Variants in PLCH1 observed in about 807,000 individuals in gnomAD.
PLCH1 encodes phospholipase C eta 1, also known as 1-phosphatidylinositol 4,5-bisphosphate phosphodiesterase eta-1.
A neutral mutation model predicts 126.7 loss-of-function variants in PLCH1; 60 were observed. The ratio of observed to expected loss-of-function variants is 0.47; its 90% CI spans 0.38 to 0.59. The LOEUF (loss-of-function observed/expected upper bound fraction) is 0.59. Ranked by LOEUF, PLCH1 falls within the 20% of genes least tolerant of loss-of-function variation. The pLI is 0.00. For missense variants in PLCH1, 1,723 were observed against 2,040.0 expected (o/e 0.84, Z 2.99); for synonymous variants, 719 against 734.9 (o/e 0.98, Z 0.35).
At chr3:155,719,888 C>T (rs766520887) in intron 1 of PLCH1, among the ~76,000 whole-genome samples, 57 of 152,074 alleles carry the variant, frequency 3.7e-4, no homozygotes, top group Admixed American at 7.9e-4. Context: ...TTCCGCCTCT[C>T]GAGCTCAAGC....
At chr3:155,618,405 A>G (rs912340792) in intron 2 of PLCH1, among the ~76,000 whole-genome samples, 3 of 152,108 alleles carry the variant, frequency 2.0e-5, no homozygotes, top group Non-Finnish European at 4.4e-5. Context: ...CGATACAGGC[A>G]AGAAGAAAAT....
intron 11 of PLCH1, among the ~76,000 whole-genome samples, chr3:155,516,520 G>A (rs1319356881): frequency 6.6e-6 from 1 of 152,164 alleles, no homozygotes; most frequent in Non-Finnish European, 1.5e-5. Flanking sequence ...GGAGAGCGGA[G>A]GGACTTGAAA....
intron 21 of PLCH1, among the ~76,000 whole-genome samples, chr3:155,466,674 C>T (rs1221041781): frequency 6.6e-6 from 1 of 152,180 alleles, no homozygotes; most frequent in Non-Finnish European, 1.5e-5. Flanking sequence ...CCTGTAGAAA[C>T]AGAGATATGT....
Position 155,566,219 on chromosome 3 carries a change from GTATATATACACA to G in PLCH1, c.866-1113_866-1102del, listed in dbSNP as rs1259554613. Among the ~76,000 whole-genome samples the G allele has an allele frequency of 2.4e-4, 13 of 54,898 alleles. 1 individual carries two copies. The highest frequency in any genetic ancestry group is 3.8e-4 in the Admixed American group (2 of 5,230). 36.0% of individuals were successfully genotyped at this position (54,898 alleles called of 152,430 possible). On this transcript the variant is annotated intron_variant, in intron 7 of 22. Coordinates refer to ENST00000460012, the MANE Select transcript of PLCH1 (RefSeq NM_014996.4). ...CACATACATATATACACATATATAC[GTATATATACACA>G]TATATATACATATATATACGTATAT...
chr3:155,654,100 G>C (rs1232415630), intron 2 of PLCH1, among the ~76,000 whole-genome samples: 1 of 150,488 alleles, frequency 6.6e-6, no homozygotes, highest in African/African-American at 2.5e-5. Context: ...TCATTTCTCA[G>C]TGCTCATTTT....
intron 6 of PLCH1, among the ~76,000 whole-genome samples, chr3:155,571,674 C>T (rs1267006131): frequency 6.6e-6 from 1 of 152,224 alleles, no homozygotes; most frequent in Non-Finnish European, 1.5e-5. Flanking sequence ...ACTGGGATTA[C>T]AGGTGTGAGC....
At chr3:155,559,390 C>T (rs1242937281) in intron 8 of PLCH1, among the ~76,000 whole-genome samples, 2 of 152,076 alleles carry the variant, frequency 1.3e-5, no homozygotes, top group Admixed American at 6.6e-5. Flanking sequence ...ACAATACATT[C>T]AAATCCAAGG....
At chr3:155,693,193 C>T (rs1227816409) in intron 2 of PLCH1, among the ~76,000 whole-genome samples, 1 of 32,280 alleles carries the variant, frequency 3.1e-5, no homozygotes, top group Non-Finnish European at 4.6e-5. Context: ...TTGCCGGGCG[C>T]GGTGGCTCAC....
In PLCH1 at chr3:155,482,772, T is replaced by C. The variant is rs1714375868; in HGVS notation, c.3254A>G (p.Asp1085Gly). The change falls in exon 23 of 23, where the codon GAT (aspartate) becomes GGT (glycine). Residue 1085 changes from aspartate to glycine, a missense_variant. This residue lies in a region of PLCH1 where 947 missense variants were observed against 977.1 expected (regional missense o/e 0.97). Coordinates refer to ENST00000460012, the MANE Select transcript of PLCH1 (RefSeq NM_014996.4). The part of the protein sequence containing the change: ...SLSPKQHLAP[D>G]PVVNPTQDLH... ...ATCTTGTGTGGGGTTAACTACAGGATCGGGAGCCAAATGCTGCTTTGGGGA... is the reference window on the plus strand; with the variant it reads ...ATCTTGTGTGGGGTTAACTACAGGACCGGGAGCCAAATGCTGCTTTGGGGA... 1.2e-6 allele frequency: 2 copies of C among 1,614,168 alleles called. No individual in the cohort carries two copies. Among genetic ancestry groups the C allele is most frequent in the Non-Finnish European group, 1.7e-6 (2 of 1,180,024 alleles).
intron 21 of PLCH1, among the ~76,000 whole-genome samples, chr3:155,454,556 G>A (rs1307223136): frequency 1.3e-5 from 2 of 152,154 alleles, no homozygotes; most frequent in Admixed American, 1.3e-4. Context: ...AAGGATTTAG[G>A]AATGTTGACT....
At chr3:155,524,564 T>G (rs373759804) in intron 10 of PLCH1, among the ~76,000 whole-genome samples, 5 of 152,210 alleles carry the variant, frequency 3.3e-5, no homozygotes, top group African/African-American at 7.2e-5. Context: ...AATCATTACT[T>G]CAGACTGACT....
At chr3:155,597,430 TA>T (rs1297898947) in intron 2 of PLCH1, among the ~76,000 whole-genome samples, 3 of 152,198 alleles carry the variant, frequency 2.0e-5, no homozygotes, top group Non-Finnish European at 2.9e-5. Flanking sequence ...CCCTTCCAAA[TA>T]TTTTTTTATT....
chr3:155,478,515 C>G (rs1006743340), downstream of PLCH1, among the ~76,000 whole-genome samples: 5 of 151,982 alleles, frequency 3.3e-5, no homozygotes, highest in Non-Finnish European at 7.4e-5. Flanking sequence ...ATCTCATGTA[C>G]TCCATACATA....
chr3:155,491,253 G>A (rs934832624), intron 18 of PLCH1, among the ~76,000 whole-genome samples: 11 of 151,996 alleles, frequency 7.2e-5, no homozygotes, highest in African/African-American at 2.2e-4. Flanking sequence ...TGGAATATAC[G>A]TTTTTTGTTT....
intron 1 of PLCH1, among the ~76,000 whole-genome samples, chr3:155,705,196 A>C (rs1167348716): frequency 6.6e-6 from 1 of 152,210 alleles, no homozygotes; most frequent in Non-Finnish European, 1.5e-5. Flanking sequence ...TCCCAGGATA[A>C]AATCAGTCAC....
intron 4 of PLCH1, among the ~76,000 whole-genome samples, chr3:155,592,485 A>C (rs1732325866): frequency 3.6e-5 from 2 of 55,884 alleles, no homozygotes; most frequent in African/African-American, 6.0e-5. Flanking sequence ...ACAGAGCAAG[A>C]CTCCATCTCC....
chr3:155,518,727 G>A (rs1720679565), intron 11 of PLCH1, among the ~76,000 whole-genome samples: 2 of 152,172 alleles, frequency 1.3e-5, no homozygotes, highest in Non-Finnish European at 2.9e-5. Context: ...TGCATTTGCT[G>A]CGAGGACAAA....
chr3:155,551,444 G>GA lies in PLCH1; in HGVS notation c.1191-1487dup, dbSNP rs59794505. Among the ~76,000 whole-genome samples the GA allele has an allele frequency of 9.7e-4, 41 of 42,088 alleles. 7 individuals are homozygous for GA. Among genetic ancestry groups the GA allele is most frequent in the East Asian group, 3.8e-3 (3 of 796 alleles). 27.6% of individuals were successfully genotyped at this position (42,088 alleles called of 152,430 possible). On this transcript the variant is annotated intron_variant, in intron 9 of 22. Transcript: ENST00000460012. ...TGGGCGACAGAGCAAGGCTGCCTCA[G>GA]AAAAAAAAAAAAAAAAAAAAAAAAA...
At chr3:155,520,732 A>C (rs1720972910) in intron 11 of PLCH1, among the ~76,000 whole-genome samples, 1 of 152,220 alleles carries the variant, frequency 6.6e-6, no homozygotes, top group East Asian at 1.9e-4. Flanking sequence ...TGTGTCTCTG[A>C]GTTGTATGAT....
Sources: gnomAD v4.1 joint callset for allele counts (sites outside exome capture counted in the v4.1 genomes callset) on GRCh38, gnomAD v4.1.1 for gene constraint, gnomAD v4.1.1 regional missense constraint, MANE v1.5 for transcripts, NCBI Gene and HGNC (gene_info 2026-07-23, HGNC 2026-07-21) for gene names.